The following ARHGEF12 variants were observed in gnomAD, a reference collection of about 807,000 sequenced individuals.
The protein encoded by ARHGEF12 is KMT2A/ARHGEF12 fusion protein.
Under a neutral mutation model 211.2 loss-of-function variants are expected in ARHGEF12, and 66 were observed. The observed-to-expected ratio is 0.31, with a 90% CI of 0.26 to 0.38. The LOEUF is 0.38. ARHGEF12 is among the 10% of genes least tolerant of loss of function. The probability of loss-of-function intolerance (pLI) is 1.00; values close to 1 mark genes in which losing one functional copy is unlikely to be tolerated. For synonymous variants in ARHGEF12, 592 were observed against 638.4 expected (o/e 0.93, Z 1.09); for missense variants, 1,429 against 1,869.5 (o/e 0.76, Z 4.34).
chr11:120,442,194 C>G lies in ARHGEF12; in HGVS notation c.1294C>G (p.Arg432Gly). 1 of 1,605,182 alleles carries G rather than the reference C, an allele frequency of 6.2e-7. No individual in the cohort carries two copies. ...FLEFHQFFLD[R>G]SAHLKVSVPD... ...TGAGTTTCATCAGTTCTTTCTAGAT[C>G]GATCAGCAGTAAGTTGCCAAGTTAA... Residue 432 changes from arginine to glycine, a missense_variant, in exon 15 of 41, where the codon CGA becomes GGA. By Grantham distance (125) the Arg-to-Gly change is moderately radical (BLOSUM62 -2). Around this residue, in one of 7 missense-constraint regions of ARHGEF12, gnomAD observed 373 missense variants for 467.5 expected, o/e 0.80. Transcript: ENST00000397843.
chr11:120,360,565 T>C (rs558844862), intron 1 of ARHGEF12, among the ~76,000 whole-genome samples: 1 of 152,192 alleles, frequency 6.6e-6, no homozygotes, highest in East Asian at 1.9e-4. Context: ...ATAATTTTTG[T>C]ATTTTTTGTA....
At chr11:120,455,128 A>G (rs987867436) in intron 22 of ARHGEF12, among the ~76,000 whole-genome samples, 2 of 152,238 alleles carry the variant, frequency 1.3e-5, no homozygotes, top group Non-Finnish European at 2.9e-5. Context: ...AGAATTATAT[A>G]GGGAACCACT....
chr11:120,440,148 G>C lies in ARHGEF12; in HGVS notation c.1019G>C (p.Gly340Ala), dbSNP rs763037734. ...IQDTDTQSLV[G>A]SPSTRIAPHI... ...TGCCAGGACACTCAATCACTTGTCG[G>C]AAGTCCCTCAACCCGTATAGCACCT... Residue 340 changes from glycine to alanine, a missense_variant, in exon 13 of 41, where the codon GGA (glycine) becomes GCA (alanine). By Grantham distance (60) the Gly-to-Ala change is moderately conservative. Transcript: ENST00000397843. The C allele has an allele frequency of 6.2e-7, 1 of 1,612,946 alleles. No individual in the cohort carries two copies. Among genetic ancestry groups the C allele is most frequent in the Non-Finnish European group, 8.5e-7 (1 of 1,179,438 alleles).
chr11:120,432,702 T>C (rs1435628768), intron 11 of ARHGEF12, among the ~76,000 whole-genome samples: 1 of 152,212 alleles, frequency 6.6e-6, no homozygotes, highest in African/African-American at 2.4e-5. Flanking sequence ...GAGGTGTCAC[T>C]TCTTGGGACT....
chr11:120,421,116 A>G (rs913929145), intron 5 of ARHGEF12, among the ~76,000 whole-genome samples: 2 of 152,212 alleles, frequency 1.3e-5, no homozygotes, highest in Non-Finnish European at 2.9e-5. Flanking sequence ...TGTCCACACA[A>G]AAGTTTCTGA....
chr11:120,411,581 CTTTTTTTTTTTTTT>C (rs56970429), intron 4 of ARHGEF12: 5 of 40,676 alleles, frequency 1.2e-4, no homozygotes, highest in Non-Finnish European at 2.2e-4. Context: ...ACTTTCTTGG[CTTTTTTTTTTTTTT>C]TTTTTTTTTT....
chr11:120,487,666 A>G lies in ARHGEF12; in HGVS notation c.*2589A>G, dbSNP rs1311722909. On this transcript the variant is annotated 3_prime_UTR_variant, in exon 41 of 41. Transcript: ENST00000397843. ...CTGCTAAAGGGCACAGGGGTGGTGT[A>G]CAAAGAAAGCTACCTTCCCAGAGCA... 2 of 217,764 alleles carry G rather than the reference A, an allele frequency of 9.2e-6. No individual in the cohort carries two copies. Among genetic ancestry groups the G allele is most frequent in the Non-Finnish European group, 1.8e-5 (2 of 108,342 alleles). 13.5% of individuals were successfully genotyped at this position (217,764 alleles called of 1,614,324 possible). A position where few individuals can be genotyped will look rare whatever the true frequency, so the allele number is the denominator to read the frequency against.
intron 31 of ARHGEF12, among the ~76,000 whole-genome samples, chr11:120,473,350 A>G (rs1041299497): frequency 6.6e-6 from 1 of 152,188 alleles, no homozygotes; most frequent in African/African-American, 2.4e-5. Context: ...ATTACATGAC[A>G]GCAATTGGCA....
intron 1 of ARHGEF12, among the ~76,000 whole-genome samples, chr11:120,360,210 T>G (rs1333741524): frequency 1.3e-5 from 2 of 152,004 alleles, no homozygotes; most frequent in Non-Finnish European, 2.9e-5. Context: ...GGGAAAGTGG[T>G]GAGAAAAGAG....
At chr11:120,483,903 C>T (rs995710714) in intron 39 of ARHGEF12, among the ~76,000 whole-genome samples, 6 of 152,296 alleles carry the variant, frequency 3.9e-5, no homozygotes, top group Admixed American at 6.5e-5. Context: ...CGTGAGCCAC[C>T]GCGCCCAGTC....
At chr11:120,425,212 A>G (rs1390513585) in intron 7 of ARHGEF12, among the ~76,000 whole-genome samples, 2 of 152,160 alleles carry the variant, frequency 1.3e-5, no homozygotes, top group Non-Finnish European at 2.9e-5. Flanking sequence ...CTTTGCTAGC[A>G]GGTGGTGATG....
chr11:120,475,231 AT>A, intron 32 of ARHGEF12, 108 bp from the exon 33 acceptor site: 1 of 1,062,756 alleles, frequency 9.4e-7, no homozygotes, highest in Non-Finnish European at 1.3e-6. Flanking sequence ...AATTTTTAAA[AT>A]TTTGTAGCTT....
At chr11:120,405,090 A>T (rs1318284718) in intron 1 of ARHGEF12, among the ~76,000 whole-genome samples, 1 of 152,162 alleles carries the variant, frequency 6.6e-6, no homozygotes, top group Non-Finnish European at 1.5e-5. Flanking sequence ...AGGGAATTGT[A>T]AGTCAGCTTG....
intron 1 of ARHGEF12, among the ~76,000 whole-genome samples, chr11:120,401,471 ATT>A (rs1944546409): frequency 6.6e-6 from 1 of 152,228 alleles, no homozygotes; most frequent in Non-Finnish European, 1.5e-5. Context: ...GGCAGTTTAG[ATT>A]CATATCAGTT....
chr11:120,464,101 C>T (rs531964433), intron 27 of ARHGEF12: 1 of 152,292 alleles, frequency 6.6e-6, no homozygotes, highest in South Asian at 2.1e-4. Context: ...CTCCCCCAAG[C>T]CAGCTCCAGC....
chr11:120,343,033 T>C (rs1033358207), intron 1 of ARHGEF12, among the ~76,000 whole-genome samples: 6 of 151,530 alleles, frequency 4.0e-5, no homozygotes, highest in Admixed American at 6.6e-5. Flanking sequence ...TATTTCCACA[T>C]GTTAGTGAAA....
In ARHGEF12 at chr11:120,440,241, T is replaced by TA. The variant is rs1372294015; in HGVS notation, c.1092+26dup. On this transcript the variant is annotated intron_variant, in intron 13 of 40. Coordinates refer to ENST00000397843, the MANE Select transcript of ARHGEF12 (RefSeq NM_015313.3). ...GAACAGGTGATGACTTTTTTCTTTC[T>TA]AAAAAATAGATTGTTACTTTCTGCA... The TA allele has an allele frequency of 6.4e-7, 1 of 1,572,196 alleles. No individual in the cohort carries two copies. Among genetic ancestry groups the TA allele is most frequent in the Non-Finnish European group, 8.7e-7 (1 of 1,148,500 alleles).
chr11:120,481,120 G>A, intron 38 of ARHGEF12, 140 bp from the exon 39 acceptor site: 1 of 742,230 alleles, frequency 1.3e-6, no homozygotes, highest in Non-Finnish European at 2.2e-6. Flanking sequence ...AAATTCTGAT[G>A]TACCTGAAAC....
intron 20 of ARHGEF12, chr11:120,448,560 A>AT: frequency 1.8e-6 from 1 of 549,338 alleles, no homozygotes; most frequent in Non-Finnish European, 3.2e-6. Flanking sequence ...GAAAAGTGAA[A>AT]TTAGCAGTTT....
Sources: allele counts gnomAD v4.1 joint callset (sites outside exome capture counted in the v4.1 genomes callset), GRCh38; gene constraint gnomAD v4.1.1; regional missense constraint gnomAD v4.1.1; transcripts MANE v1.5; gene names NCBI Gene and HGNC (gene_info 2026-07-23, HGNC 2026-07-21).